The following FARS2 variants were observed in gnomAD, a reference collection of about 807,000 sequenced individuals.
FARS2 encodes the protein phenylalanyl-tRNA synthetase 2, mitochondrial, also known as phenylalanine--tRNA ligase, mitochondrial.
Under a neutral mutation model 46.4 loss-of-function variants are expected in FARS2, and 40 were observed. The ratio of observed to expected loss-of-function variants is 0.86; its 90% CI spans 0.67 to 1.12. The LOEUF (loss-of-function observed/expected upper bound fraction) is 1.12. Among genes scored for constraint, FARS2 ranks in the 50% most tolerant of loss-of-function variants. The probability of loss-of-function intolerance (pLI) is 0.00; values close to 1 mark genes in which losing one functional copy is unlikely to be tolerated. For missense variants in FARS2, 513 were observed against 567.9 expected (o/e 0.90, Z 0.98); for synonymous variants, 234 against 214.9 (o/e 1.09, Z -0.78).
upstream of FARS2, chr6:5,260,625 GC>G (rs1417423373): frequency 3.1e-6 from 3 of 983,578 alleles, no homozygotes; most frequent in East Asian, 3.6e-5. Context: ...CCCGCCCCCG[GC>G]CCCCGGTGCC....
At chr6:5,481,504 T>C (rs1766455532) in intron 4 of FARS2, among the ~76,000 whole-genome samples, 2 of 152,160 alleles carry the variant, frequency 1.3e-5, no homozygotes, top group Admixed American at 1.3e-4. Context: ...GTTCTTAGAC[T>C]TGGGAAGGGG....
chr6:5,642,924 A>G (rs1057441172), intron 6 of FARS2, among the ~76,000 whole-genome samples: 6 of 152,334 alleles, frequency 3.9e-5, no homozygotes, highest in African/African-American at 1.4e-4. Context: ...AGTCCCCTGC[A>G]GCCTTGAAGC....
At chr6:5,571,530 A>G (rs544256203) in intron 5 of FARS2, among the ~76,000 whole-genome samples, 1 of 152,192 alleles carries the variant, frequency 6.6e-6, no homozygotes, top group South Asian at 2.1e-4. Flanking sequence ...CTTTCCAGAG[A>G]TGGCTTTCTG....
chr6:5,257,538 C>T (rs1290604514), upstream of FARS2, among the ~76,000 whole-genome samples: 1 of 152,220 alleles, frequency 6.6e-6, no homozygotes, highest in East Asian at 1.9e-4. Flanking sequence ...GTCCCCAACC[C>T]ATCAGTACTG....
chr6:5,541,198 C>G (rs568229783), intron 4 of FARS2, among the ~76,000 whole-genome samples: 2 of 152,298 alleles, frequency 1.3e-5, no homozygotes, highest in African/African-American at 4.8e-5. Context: ...TGGTGCTGAT[C>G]CACAAACTAT....
chr6:5,432,101 T>G (rs1763202938), intron 4 of FARS2, among the ~76,000 whole-genome samples: 1 of 150,262 alleles, frequency 6.7e-6, no homozygotes, highest in South Asian at 2.1e-4. Context: ...GTGGATCACC[T>G]GGGGTCAGAA....
In FARS2 at chr6:5,285,097, G is replaced by C. The variant is rs570768778; in HGVS notation, c.-22+23437G>C. 4.6e-5 allele frequency among the ~76,000 whole-genome samples: 7 copies of C among 152,306 alleles called. No homozygotes were observed. In the South Asian group the frequency reaches 1.0e-3, roughly 23 times the overall value. The stretch of plus-strand genomic sequence containing the variant: ...GCAAGGAGAAAAAGTGACAGCAAAG[G>C]GGGCAGGCAACAAATACAGATTTCA... On this transcript the variant is annotated intron_variant, in intron 1 of 6. Coordinates refer to ENST00000274680, the MANE Select transcript of FARS2 (RefSeq NM_006567.5).
intron 5 of FARS2, chr6:5,610,014 A>G (rs1434916841): frequency 8.0e-6 from 8 of 1,003,322 alleles, no homozygotes; most frequent in South Asian, 2.5e-5. Flanking sequence ...CCGCAGTGGC[A>G]TAGTGACAAA....
At chr6:5,761,706 C>G (rs1762483704) in intron 6 of FARS2, among the ~76,000 whole-genome samples, 1 of 150,098 alleles carries the variant, frequency 6.7e-6, no homozygotes, top group African/African-American at 2.5e-5. Context: ...GACATTACTT[C>G]TTGTTAGAAA....
At chr6:5,611,606 A>C (rs1362579500) in intron 5 of FARS2, among the ~76,000 whole-genome samples, 1 of 152,190 alleles carries the variant, frequency 6.6e-6, no homozygotes, top group Non-Finnish European at 1.5e-5. Flanking sequence ...TAAACCATTA[A>C]ACTTTTTATA....
intron 4 of FARS2, among the ~76,000 whole-genome samples, chr6:5,496,840 T>C (rs371937260): frequency 1.3e-5 from 2 of 152,292 alleles, no homozygotes; most frequent in South Asian, 2.1e-4. Context: ...TGTTGTTTCT[T>C]TCTTTTTATT....
chr6:5,517,632 A>G (rs1158946745), intron 4 of FARS2, among the ~76,000 whole-genome samples: 1 of 151,828 alleles, frequency 6.6e-6, no homozygotes, highest in African/African-American at 2.4e-5. Context: ...AAAAGTATAG[A>G]CATATATATA....
intron 4 of FARS2, among the ~76,000 whole-genome samples, chr6:5,461,071 C>G (rs1311515078): frequency 1.3e-5 from 2 of 151,140 alleles, no homozygotes; most frequent in Admixed American, 6.6e-5. Flanking sequence ...CACGGTATCA[C>G]TCTGTCATTT....
chr6:5,473,872 A>C (rs1349915320), intron 4 of FARS2, among the ~76,000 whole-genome samples: 1 of 152,260 alleles, frequency 6.6e-6, no homozygotes, highest in African/African-American at 2.4e-5. Context: ...TGCACAGGCC[A>C]CACAGAATGG....
rs375236119 is a variant in FARS2 at position 5,294,565 on chromosome 6, G to A, written c.-22+32905G>A. On this transcript the variant is annotated intron_variant, in intron 1 of 6. Transcript: ENST00000274680. ...CCCAGTCCCCATGACTGTCCCCCTC[G>A]CTCCCTGACAGTCACAAGTCCTGGC... 8.5e-5 allele frequency among the ~76,000 whole-genome samples: 13 copies of A among 152,246 alleles called. No homozygotes were observed. In the South Asian group the frequency reaches 1.5e-3, roughly 17 times the overall value.
At chr6:5,432,377 T>G (rs1445686705) in intron 4 of FARS2, among the ~76,000 whole-genome samples, 1 of 124,742 alleles carries the variant, frequency 8.0e-6, no homozygotes, top group Non-Finnish European at 1.6e-5. Context: ...TATTATATAT[T>G]TATATATTAT....
At chr6:5,434,573 T>TGTAGTTAAAATCTGTAAACTGCCTGGCA (rs1763411838) in intron 4 of FARS2, among the ~76,000 whole-genome samples, 2 of 152,340 alleles carry the variant, frequency 1.3e-5, no homozygotes, top group South Asian at 4.1e-4. Flanking sequence ...TTTGGATGTC[T>TGTAGTTAAAATCTGTAAACTGCCTGGCA]GTAGTTAAAA....
intron 6 of FARS2, among the ~76,000 whole-genome samples, chr6:5,756,935 C>T (rs1762237710): frequency 6.6e-6 from 1 of 152,186 alleles, no homozygotes; most frequent in African/African-American, 2.4e-5. Flanking sequence ...AAAAATTCAG[C>T]ACGAAGCAAT....
At chr6:5,660,063 A>G (rs942981701) in intron 6 of FARS2, among the ~76,000 whole-genome samples, 1 of 152,180 alleles carries the variant, frequency 6.6e-6, no homozygotes, top group African/African-American at 2.4e-5. Flanking sequence ...CTTGTGCTCC[A>G]TGATGGAGTT....
Sources: allele counts gnomAD v4.1 joint callset (sites outside exome capture counted in the v4.1 genomes callset), GRCh38; gene constraint gnomAD v4.1.1; transcripts MANE v1.5; gene names NCBI Gene and HGNC (gene_info 2026-07-23, HGNC 2026-07-21).